MXI1: variants seen among roughly 807,000 people sequenced by gnomAD.
MXI1 encodes MAX interactor 1, dimerization protein.
A neutral mutation model predicts 36.9 loss-of-function variants in MXI1; 18 were observed. That is an observed-to-expected ratio of 0.49 (90% CI 0.34 to 0.72). MXI1 has a LOEUF of 0.72. Ranked by LOEUF, MXI1 falls within the 30% of genes least tolerant of loss-of-function variation. The probability of loss-of-function intolerance (pLI) is 0.01; values close to 1 mark genes in which losing one functional copy is unlikely to be tolerated. For missense variants in MXI1, 304 were observed against 379.1 expected (o/e 0.80, Z 1.64); for synonymous variants, 160 against 146.7 (o/e 1.09, Z -0.65).
chr10:110,254,798 A>G (rs2134415508), intron 3 of MXI1, among the ~76,000 whole-genome samples: 1 of 152,284 alleles, frequency 6.6e-6, no homozygotes, highest in South Asian at 2.1e-4. Flanking sequence ...GAAGGCTAAG[A>G]GAGGAGGAAG....
chr10:110,239,297 G>A (rs1241133354), intron 2 of MXI1, among the ~76,000 whole-genome samples: 2 of 152,106 alleles, frequency 1.3e-5, no homozygotes, highest in Admixed American at 6.6e-5. Context: ...GTTGAGAACC[G>A]TTGCTCAACT....
chr10:110,213,557 A>ATTTTTTG (rs1564703606), intron 1 of MXI1, among the ~76,000 whole-genome samples: 1 of 152,194 alleles, frequency 6.6e-6, no homozygotes, highest in Non-Finnish European at 1.5e-5. Context: ...ATACCAGAAG[A>ATTTTTTG]AGGCTTTTTT....
chr10:110,249,761 T>G (rs946328899), intron 3 of MXI1, among the ~76,000 whole-genome samples: 1 of 152,108 alleles, frequency 6.6e-6, no homozygotes, highest in Non-Finnish European at 1.5e-5. Flanking sequence ...GATTATGATA[T>G]AAAATACTGT....
At position 110,279,291 on chromosome 10, in the gene MXI1, C is replaced by T. The variant is rs777201711; in HGVS notation, c.549C>T (p.Ile183=). The T allele has an allele frequency of 1.9e-6, 3 of 1,613,360 alleles. No homozygotes were observed. Among genetic ancestry groups the T allele is most frequent in the Non-Finnish European group, 1.7e-6 (2 of 1,179,274 alleles). ...LGLLNKAKAH[I]KKLEEAERKS... ...TGCTCAACAAAGCCAAAGCACACATCAAGGTGAGAATTTTTACTTTCAGAT... is the reference window on the plus strand; with the variant it reads ...TGCTCAACAAAGCCAAAGCACACATTAAGGTGAGAATTTTTACTTTCAGAT... The change falls in exon 4 of 6, where the codon ATC becomes ATT. Residue 183 remains isoleucine (I), a synonymous_variant. Coordinates refer to ENST00000332674, the MANE Select transcript of MXI1 (RefSeq NM_130439.3).
At chr10:110,273,002 C>G (rs369671594) in intron 3 of MXI1, among the ~76,000 whole-genome samples, 1 of 148,112 alleles carries the variant, frequency 6.8e-6, no homozygotes, top group Non-Finnish European at 1.5e-5. Flanking sequence ...GTGAAACATA[C>G]GATTATCAAA....
At chr10:110,278,022 T>C (rs887117053) in intron 3 of MXI1, among the ~76,000 whole-genome samples, 3 of 152,240 alleles carry the variant, frequency 2.0e-5, no homozygotes, top group Non-Finnish European at 2.9e-5. Flanking sequence ...GTTTTGTTCT[T>C]GATGCAGTTA....
rs563648522 is a variant in MXI1 at position 110,210,819 on chromosome 10, G to A, written c.274+2737G>A. Among the ~76,000 whole-genome samples, 16 of 152,364 alleles carry A rather than the reference G, an allele frequency of 1.1e-4. No individual in the cohort carries two copies. In the East Asian group the frequency reaches 2.7e-3, roughly 26 times the overall value. ...ATCCGCGTGTGCACAGCAATAACGC[G>A]AGTCGGGGGGCGGGTCGTGCGTGCG... On this transcript the variant is annotated intron_variant, in intron 1 of 5. Transcript: ENST00000332674.
At position 110,286,506 on chromosome 10, in the gene MXI1, A is replaced by AAG. The variant is rs11414194; in HGVS notation, c.*1519_*1520insAG. The AAG allele has an allele frequency of 6.6e-6, 1 of 151,604 alleles. No individual in the cohort carries two copies. The highest frequency in any genetic ancestry group is 1.5e-5 in the Non-Finnish European group (1 of 67,812). The allele number at this position is 151,604 out of a possible 1,614,324, so 9.4% of individuals were successfully genotyped here. A position where few individuals can be genotyped will look rare whatever the true frequency, so the allele number is the denominator to read the frequency against. On this transcript the variant is annotated 3_prime_UTR_variant, in exon 6 of 6. Coordinates refer to ENST00000332674, the MANE Select transcript of MXI1 (RefSeq NM_130439.3). ...CCTTAATTACTTAAAAAAAAAAAAA[A>AAG]GCTTTATGATTTTCATAACTTATTG... is the stretch of plus-strand genomic sequence containing the variant.
At chr10:110,218,377 G>C (rs1443098749) in intron 1 of MXI1, among the ~76,000 whole-genome samples, 2 of 150,896 alleles carry the variant, frequency 1.3e-5, no homozygotes, top group East Asian at 3.9e-4. Context: ...GTGAACCCGG[G>C]AGGCGGTGCT....
At chr10:110,224,730 CT>C (rs1854911079) in intron 1 of MXI1, among the ~76,000 whole-genome samples, 2 of 151,566 alleles carry the variant, frequency 1.3e-5, no homozygotes, top group Admixed American at 6.6e-5. Flanking sequence ...TCACTGCAAC[CT>C]CCGCCTCCCG....
chr10:110,255,563 A>G (rs766663114), intron 3 of MXI1, among the ~76,000 whole-genome samples: 1 of 152,206 alleles, frequency 6.6e-6, no homozygotes, highest in Non-Finnish European at 1.5e-5. Context: ...TACATGTACA[A>G]TAGCATCTAA....
intron 3 of MXI1, 29 bp downstream of exon 3, chr10:110,244,886 C>A: frequency 6.2e-7 from 1 of 1,603,498 alleles, no homozygotes; most frequent in Non-Finnish European, 8.5e-7. Context: ...ACAGCTTTCA[C>A]TTACGTTTAA....
intron 5 of MXI1, among the ~76,000 whole-genome samples, chr10:110,284,119 A>AT (rs1857357986): frequency 6.6e-6 from 1 of 151,858 alleles, no homozygotes; most frequent in Non-Finnish European, 1.5e-5. Context: ...GCTGAGTCAA[A>AT]TATGTATTTG....
intron 1 of MXI1, chr10:110,210,239 G>C: frequency 1.0e-6 from 1 of 984,980 alleles, no homozygotes; most frequent in East Asian, 1.1e-4. Context: ...CCCATCGCCC[G>C]AGGCGTCCGC....
At chr10:110,283,963 TG>T (rs869118555) in intron 5 of MXI1, among the ~76,000 whole-genome samples, 16 of 87,918 alleles carry the variant, frequency 1.8e-4, no homozygotes, top group East Asian at 1.3e-3. Flanking sequence ...TGTGTTGTTG[TG>T]TTTTTTTTGG....
chr10:110,211,073 CTT>C (rs33972208), intron 1 of MXI1, among the ~76,000 whole-genome samples: 33,609 of 131,080 alleles, frequency 0.26, 5,089 homozygotes, highest in African/African-American at 0.46. Flanking sequence ...TTGTGTACGT[CTT>C]TTTTTTTTTT....
chr10:110,239,472 C>T (rs1021826219), intron 2 of MXI1, among the ~76,000 whole-genome samples: 1 of 152,120 alleles, frequency 6.6e-6, no homozygotes, highest in Non-Finnish European at 1.5e-5. Context: ...TCATTAAGTT[C>T]AGAATATTTT....
At position 110,244,867 on chromosome 10, in the gene MXI1, T is replaced by G. The variant is rs766599700; in HGVS notation, c.437+10T>G. The G allele has an allele frequency of 3.7e-6, 6 of 1,607,800 alleles. No individual in the cohort carries two copies. Among genetic ancestry groups the G allele is most frequent in the Non-Finnish European group, 4.2e-6 (5 of 1,177,688 alleles). On this transcript the variant is annotated intron_variant, in intron 3 of 5. Transcript: ENST00000332674. ...AGCTGGAAAAGAATCGGTGAGTCAG[T>G]GATGAGGTACAGCTTTCACTTACGT... is the stretch of plus-strand genomic sequence containing the variant.
intron 2 of MXI1, among the ~76,000 whole-genome samples, chr10:110,237,310 T>C (rs1855508767): frequency 6.6e-6 from 1 of 152,210 alleles, no homozygotes; most frequent in South Asian, 2.1e-4. Flanking sequence ...TCTTTGACCA[T>C]TGAGTGTGAC....
Sources: gnomAD v4.1 joint callset for allele counts (sites outside exome capture counted in the v4.1 genomes callset) on GRCh38, gnomAD v4.1.1 for gene constraint, MANE v1.5 for transcripts, NCBI Gene and HGNC (gene_info 2026-07-23, HGNC 2026-07-21) for gene names.